Variants in ZNF782 observed in about 807,000 individuals in gnomAD.
ZNF782 encodes zinc finger protein 782.
A neutral mutation model predicts 13.0 loss-of-function variants in ZNF782; 12 were observed. The observed-to-expected ratio is 0.92, with a 90% confidence interval of 0.59 to 1.50. The LOEUF (loss-of-function observed/expected upper bound fraction) is 1.50, where lower values mean the gene tolerates loss of function less well. Ranked by LOEUF, ZNF782 falls within the 40% of genes most tolerant of loss-of-function variation. ZNF782 has a pLI of 0.00. For missense variants in ZNF782, 770 were observed against 822.9 expected, an observed-to-expected ratio of 0.94 and a Z score of 0.79; for synonymous variants, 284 against 283.0, an observed-to-expected ratio of 1.00 and a Z score of -0.04.
intron 2 of ZNF782, among the ~76,000 whole-genome samples, chr9:96,852,296 C>T (rs1050889964): frequency 6.6e-6 from 1 of 152,188 alleles, no homozygotes; most frequent in Admixed American, 6.5e-5. Context: ...AAAGACAATA[C>T]AGGATTAGTT....
chr9:96,836,808 T>C (rs1288521317), intron 4 of ZNF782, among the ~76,000 whole-genome samples: 1 of 152,172 alleles, frequency 6.6e-6, no homozygotes, highest in African/African-American at 2.4e-5. Context: ...GGTTGAGTTC[T>C]CACTCTCATA....
At chr9:96,893,797 G>A in the ZNF782 span, 1 of 145,272 alleles carries the variant, frequency 6.9e-6, no homozygotes, top group East Asian at 1.9e-4. Flanking sequence ...TCAGGAGATC[G>A]AGACCATCCT....
chr9:96,910,689 T>A, the ZNF782 span, among the ~76,000 whole-genome samples: 1 of 150,428 alleles, frequency 6.6e-6, no homozygotes, highest in African/African-American at 2.4e-5. Context: ...CAGGCTGGAG[T>A]GCAGTGGTGC....
intron 3 of ZNF782, among the ~76,000 whole-genome samples, chr9:96,846,337 C>CTCACATTGTGAGTATCTTACAT (rs1851339313): frequency 6.6e-6 from 1 of 152,044 alleles, no homozygotes; most frequent in African/African-American, 2.4e-5. Flanking sequence ...TATCTCACAT[C>CTCACATTGTGAGTATCTTACAT]TCAATATTAA....
chr9:96,919,810 T>C, the ZNF782 span, among the ~76,000 whole-genome samples: 59 of 150,580 alleles, frequency 3.9e-4, 1 homozygote, highest in Admixed American at 1.8e-3. Flanking sequence ...TCCGCCTGCC[T>C]TGGCCTCCCA....
At chr9:96,895,862 A>T in the ZNF782 span, 1 of 152,228 alleles carries the variant, frequency 6.6e-6, no homozygotes, top group Non-Finnish European at 1.5e-5. Context: ...CTGAAGAGTG[A>T]GGGCAATTAC....
chr9:96,885,870 C>T, the ZNF782 span, among the ~76,000 whole-genome samples: 19 of 151,958 alleles, frequency 1.3e-4, no homozygotes, highest in Middle Eastern at 3.4e-3. Flanking sequence ...TAGACAGAGA[C>T]AGAGTCTCAC....
chr9:96,851,435 C>G (rs1342661593), intron 3 of ZNF782, among the ~76,000 whole-genome samples: 1 of 151,974 alleles, frequency 6.6e-6, no homozygotes, highest in Non-Finnish European at 1.5e-5. Context: ...AAAGAAGAAA[C>G]AAGAAAAAGT....
chr9:96,899,512 T>C, the ZNF782 span, among the ~76,000 whole-genome samples: 1 of 152,236 alleles, frequency 6.6e-6, no homozygotes, highest in African/African-American at 2.4e-5. Context: ...TCATTTTCTG[T>C]TACTTATATC....
chr9:96,915,417 A>G, the ZNF782 span, among the ~76,000 whole-genome samples: 1 of 149,796 alleles, frequency 6.7e-6, no homozygotes, highest in East Asian at 2.0e-4. Flanking sequence ...CGTGGCTCAT[A>G]CCTGTAATCC....
rs1368733007 is a variant in ZNF782, at chr9:96,850,252, AC to A, written c.15+1694del. Among the ~76,000 whole-genome samples, 2 of 152,220 alleles carry A rather than the reference AC, an allele frequency of 1.3e-5. No individual in the cohort carries two copies. Among genetic ancestry groups the A allele is most frequent in the African/African-American group, 4.8e-5 (2 of 41,458 alleles). On this transcript the variant is annotated intron_variant, in intron 3 of 5. Coordinates refer to ENST00000481138, the MANE Select transcript of ZNF782 (RefSeq NM_001001662.3). The surrounding 1 kb of genome is among the most constrained non-coding windows in gnomAD (Gnocchi z 4.3). ...TCACAATTGCAAAGATGTGGAACCA[AC>A]CTAAGTGCCCATGAACTGAGTGGAT...
At chr9:96,912,822 C>T in the ZNF782 span, among the ~76,000 whole-genome samples, 5 of 151,628 alleles carry the variant, frequency 3.3e-5, no homozygotes, top group Admixed American at 2.6e-4. Flanking sequence ...CCACTGCGCC[C>T]GGCCTTTTTT....
intron 2 of ZNF782, among the ~76,000 whole-genome samples, chr9:96,861,337 A>G (rs905342372): frequency 2.0e-5 from 3 of 152,266 alleles, no homozygotes; most frequent in Admixed American, 1.3e-4. Flanking sequence ...TTTGAAAACT[A>G]TCTGACAAGG....
At chr9:96,842,434 C>G (rs1180573818) in intron 4 of ZNF782, among the ~76,000 whole-genome samples, 1 of 151,930 alleles carries the variant, frequency 6.6e-6, no homozygotes, top group Non-Finnish European at 1.5e-5. Context: ...CATACAAGTA[C>G]AGCCAACTGA....
At chr9:96,862,979 G>A (rs1054475112) in intron 1 of ZNF782, among the ~76,000 whole-genome samples, 7 of 152,220 alleles carry the variant, frequency 4.6e-5, no homozygotes, top group African/African-American at 1.7e-4. Flanking sequence ...TCCAGAAGCA[G>A]TGGTGGCAGA....
the ZNF782 span, among the ~76,000 whole-genome samples, chr9:96,902,034 A>G: frequency 7.9e-5 from 12 of 152,142 alleles, 1 homozygote; most frequent in East Asian, 2.3e-3. Flanking sequence ...CTTTAGTGCA[A>G]AGTTATAACA....
In ZNF782 at chr9:96,817,949, G is replaced by A; in HGVS notation, c.2074C>T (p.His692Tyr). ...TFSQKSSLRE[H>Y]QKAHPGD ...TAATCCCCTGGGTGGGCTTTCTGAT[G>A]TTCTCTAAGGCTTGATTTTTGACTG... Residue 692 changes from histidine to tyrosine, a missense_variant, in exon 6 of 6, where the codon CAT (histidine) becomes TAT (tyrosine). Coordinates refer to ENST00000481138, the MANE Select transcript of ZNF782 (RefSeq NM_001001662.3). 5 of 1,575,822 alleles carry A rather than the reference G, an allele frequency of 3.2e-6. No homozygotes were observed. Among genetic ancestry groups the A allele is most frequent in the Non-Finnish European group, 4.3e-6 (5 of 1,165,028 alleles).
chr9:96,872,785 G>C (rs1393288223), intron 1 of ZNF782, among the ~76,000 whole-genome samples: 1 of 152,224 alleles, frequency 6.6e-6, no homozygotes, highest in Non-Finnish European at 1.5e-5. Flanking sequence ...ACAATACTTA[G>C]TGGCATAGCG....
the ZNF782 span, chr9:96,898,063 C>A: frequency 1.3e-5 from 2 of 149,640 alleles, no homozygotes; most frequent in East Asian, 4.5e-4. Context: ...CACTGATTAT[C>A]TCTTTCTTTC....
Sources: allele counts gnomAD v4.1 joint callset (sites outside exome capture counted in the v4.1 genomes callset), GRCh38; gene constraint gnomAD v4.1.1; non-coding constraint Gnocchi (gnomAD v3.1); transcripts MANE v1.5; gene names NCBI Gene and HGNC (gene_info 2026-07-23, HGNC 2026-07-21).